Variants in ATP8B1 observed in about 807,000 individuals in gnomAD.
ATP8B1 encodes the protein phospholipid-transporting ATPase IC.
ATP8B1 carries 80 observed loss-of-function variants against 149.9 expected under a neutral mutation model. That is an observed-to-expected ratio of 0.53 (90% CI 0.45 to 0.64). The LOEUF (loss-of-function observed/expected upper bound fraction) is 0.64. ATP8B1 is among the 30% of genes least tolerant of loss of function. The pLI is 0.00. For missense variants in ATP8B1, 1,247 were observed against 1,552.6 expected (o/e 0.80, Z 3.31); for synonymous variants, 536 against 562.8 (o/e 0.95, Z 0.67).
At chr18:57,711,857 CG>C (rs1271618086) in intron 2 of ATP8B1, among the ~76,000 whole-genome samples, 1 of 151,990 alleles carries the variant, frequency 6.6e-6, no homozygotes. Context: ...CCCAGAGTGC[CG>C]GGATTACAGG....
In ATP8B1 at chr18:57,672,587, CT is replaced by C. The variant is rs543524397; in HGVS notation, c.1820-1008del. Among the ~76,000 whole-genome samples, 27 of 152,140 alleles carry C rather than the reference CT, an allele frequency of 1.8e-4. No homozygotes were observed. The East Asian group carries it at 4.7e-3, about 26-fold the overall frequency. On this transcript the variant is annotated intron_variant, in intron 16 of 27. Transcript: ENST00000648908. ...CAAACCAATAATATATACCTTCTGG[CT>C]AGGCAGGGTGGCTCACGCCTGTAAT...
In ATP8B1 at chr18:57,661,713, A is replaced by ATT. The variant is rs759201755; in HGVS notation, c.2419-253_2419-252dup. 9.9e-3 allele frequency among the ~76,000 whole-genome samples: 921 copies of ATT among 92,646 alleles called. 39 individuals are homozygous for ATT. Among genetic ancestry groups the ATT allele is most frequent in the African/African-American group, 0.041 (863 of 21,164 alleles). 60.8% of individuals were successfully genotyped at this position (92,646 alleles called of 152,430 possible). On this transcript the variant is annotated intron_variant, in intron 21 of 27. Transcript: ENST00000648908. ...CACACACACATATATATATATATAT[A>ATT]TTTTTTTTTTTTTTTTTTTTGAGAT... is the stretch of plus-strand genomic sequence containing the variant.
chr18:57,797,703 C>T (rs199920854), intron 1 of ATP8B1, among the ~76,000 whole-genome samples: 2 of 96,288 alleles, frequency 2.1e-5, no homozygotes, highest in South Asian at 3.7e-4. Context: ...TTCTTTCTTT[C>T]TTTTTTTTTT....
intron 2 of ATP8B1, among the ~76,000 whole-genome samples, chr18:57,714,101 C>G (rs970599255): frequency 1.3e-5 from 2 of 152,190 alleles, no homozygotes; most frequent in African/African-American, 4.8e-5. Flanking sequence ...CACAAGCTGA[C>G]TGAAGAGGCC....
At chr18:57,755,560 T>G (rs187372094) in intron 1 of ATP8B1, 1 of 152,192 alleles carries the variant, frequency 6.6e-6, no homozygotes, top group Non-Finnish European at 1.5e-5. Context: ...CAGTTTCACA[T>G]TGACGCTTAA....
At chr18:57,746,657 G>C (rs1244156596) in intron 1 of ATP8B1, among the ~76,000 whole-genome samples, 1 of 151,662 alleles carries the variant, frequency 6.6e-6, no homozygotes, top group Non-Finnish European at 1.5e-5. Flanking sequence ...TGTATTTTTA[G>C]TAGAGACAGG....
At chr18:57,714,125 G>A (rs460024) in intron 2 of ATP8B1, among the ~76,000 whole-genome samples, 25,319 of 152,168 alleles carry the variant, frequency 0.17, 2,816 homozygotes, top group East Asian at 0.49. Context: ...GGCCTTTACC[G>A]AACATCAGCA....
At chr18:57,652,850 T>C in intron 24 of ATP8B1, 121 bp from the exon 25 acceptor site, 1 of 1,245,116 alleles carries the variant, frequency 8.0e-7, no homozygotes, top group Non-Finnish European at 1.2e-6. Flanking sequence ...AGGCAAAAAC[T>C]GAACAAGATA....
chr18:57,675,633 A>G (rs1055831929), intron 15 of ATP8B1, among the ~76,000 whole-genome samples: 1 of 152,158 alleles, frequency 6.6e-6, no homozygotes, highest in Non-Finnish European at 1.5e-5. Context: ...TCCGGGGCCC[A>G]AGTGATCCTT....
intron 1 of ATP8B1, among the ~76,000 whole-genome samples, chr18:57,799,956 T>C (rs2080558124): frequency 1.3e-5 from 2 of 151,730 alleles, no homozygotes; most frequent in African/African-American, 4.9e-5. Flanking sequence ...GTCTTCTTTT[T>C]ATGGTATTAA....
At chr18:57,665,012 C>T (rs959841667) in intron 20 of ATP8B1, among the ~76,000 whole-genome samples, 1 of 152,114 alleles carries the variant, frequency 6.6e-6, no homozygotes, top group Non-Finnish European at 1.5e-5. Flanking sequence ...TGTTTAGCAA[C>T]ATCCCTGGCC....
rs45454792 is a variant in ATP8B1, at chr18:57,667,208, TTTTTA to T, written c.2210-46_2210-42del. Reference sequence around the variant, plus strand: ...ATTAAGTCAAATGTCATTCCTGCTGTTTTTATTTTATTTTATTTTGTTTTTTGAGA... The same window carrying T: ...ATTAAGTCAAATGTCATTCCTGCTGTTTTTATTTTATTTTGTTTTTTGAGA... On this transcript the variant is annotated intron_variant, in intron 19 of 27. Transcript: ENST00000648908. 1.5e-5 allele frequency: 22 copies of T among 1,462,060 alleles called. No individual in the cohort carries two copies. The Admixed American group carries it at 2.0e-4, about 13-fold the overall frequency. 90.6% of individuals were successfully genotyped at this position (1,462,060 alleles called of 1,614,324 possible).
At chr18:57,660,529 G>GT (rs929302447) in intron 22 of ATP8B1, among the ~76,000 whole-genome samples, 41 of 152,150 alleles carry the variant, frequency 2.7e-4, no homozygotes, top group Middle Eastern at 6.8e-3. Context: ...GTTTTGTTTT[G>GT]TTTTTTTGAG....
intron 2 of ATP8B1, among the ~76,000 whole-genome samples, chr18:57,717,497 G>A (rs1486421799): frequency 1.1e-4 from 12 of 111,714 alleles, no homozygotes; most frequent in East Asian, 3.1e-4. Context: ...GCAGTAAGCC[G>A]AGATCACACC....
intron 2 of ATP8B1, among the ~76,000 whole-genome samples, chr18:57,730,771 G>A (rs980756404): frequency 1.3e-5 from 2 of 151,756 alleles, no homozygotes; most frequent in Non-Finnish European, 2.9e-5. Flanking sequence ...CCCTGCCTCT[G>A]ATGCTGGCCT....
chr18:57,780,466 T>C (rs147553764), intron 1 of ATP8B1, among the ~76,000 whole-genome samples: 2,156 of 152,264 alleles, frequency 0.014, 34 homozygotes, highest in Non-Finnish European at 0.021. Flanking sequence ...ATTAAAACTA[T>C]GGTGGGCTGG....
At position 57,655,112 on chromosome 18, in the gene ATP8B1, ATAAAT is replaced by A. The variant is rs1909901107; in HGVS notation, c.2931+77_2931+81del. ...CCCCAAAACTACAAATATAGAAGAA[ATAAAT>A]TGTCTTTTCAGAACTAGATTTTTAT... On this transcript the variant is annotated intron_variant, in intron 23 of 27. Coordinates refer to ENST00000648908, the MANE Select transcript of ATP8B1 (RefSeq NM_001374385.1). 3 of 1,314,482 alleles carry A rather than the reference ATAAAT, an allele frequency of 2.3e-6. No homozygotes were observed. The South Asian group carries it at 3.7e-5, about 16-fold the overall frequency. The allele number at this position is 1,314,482 out of a possible 1,614,324, so 81.4% of individuals were successfully genotyped here. A position where few individuals can be genotyped will look rare whatever the true frequency, so the allele number is the denominator to read the frequency against.
intron 17 of ATP8B1, 117 bp from the exon 18 acceptor site, chr18:57,669,599 CATTAA>C: frequency 1.0e-6 from 1 of 961,356 alleles, no homozygotes; most frequent in Non-Finnish European, 1.6e-6. Flanking sequence ...AAAAAGAGAT[CATTAA>C]ACATGACAGA....
intron 1 of ATP8B1, among the ~76,000 whole-genome samples, chr18:57,734,691 A>C (rs2079828604): frequency 6.6e-6 from 1 of 152,184 alleles, no homozygotes; most frequent in African/African-American, 2.4e-5. Flanking sequence ...TCATGGATGC[A>C]AAGTTCCTAG....
Sources: gnomAD v4.1 joint callset for allele counts (sites outside exome capture counted in the v4.1 genomes callset) on GRCh38, gnomAD v4.1.1 for gene constraint, MANE v1.5 for transcripts, NCBI Gene and HGNC (gene_info 2026-07-23, HGNC 2026-07-21) for gene names.